SFRP1: variants seen among roughly 807,000 people sequenced by gnomAD.
The protein encoded by SFRP1 is secreted frizzled related protein 1, also known as secreted frizzled-related protein 1.
A neutral mutation model predicts 25.9 loss-of-function variants in SFRP1; 9 were observed. That is an observed-to-expected ratio of 0.35 (90% CI 0.21 to 0.61). The LOEUF (loss-of-function observed/expected upper bound fraction) is 0.61. Ranked by LOEUF, SFRP1 falls within the 20% of genes least tolerant of loss-of-function variation. SFRP1 has a pLI of 0.78. For missense variants in SFRP1, 346 were observed against 418.2 expected, an observed-to-expected ratio of 0.83 and a Z score of 1.51; for synonymous variants, 178 against 174.0, an observed-to-expected ratio of 1.02 and a Z score of -0.18.
Position 41,279,138 on chromosome 8 carries a change from C to T in SFRP1, c.623-13649G>A, listed in dbSNP as rs572117946. Reference sequence around the variant, plus strand: ...AGCTCATGTAGGACATGGCCCAAAACGCATCCAATCTCTGTTCAATGACTA... The same window carrying T: ...AGCTCATGTAGGACATGGCCCAAAATGCATCCAATCTCTGTTCAATGACTA... On this transcript the variant is annotated intron_variant, in intron 2 of 2. Transcript: ENST00000220772. Among the ~76,000 whole-genome samples, 3 of 152,232 alleles carry T rather than the reference C, an allele frequency of 2.0e-5. No homozygotes were observed. The South Asian group carries it at 6.2e-4, about 32-fold the overall frequency.
chr8:41,285,156 G>A (rs1050890229), intron 2 of SFRP1, among the ~76,000 whole-genome samples: 1 of 152,150 alleles, frequency 6.6e-6, no homozygotes, highest in African/African-American at 2.4e-5. Flanking sequence ...GAATGTTAAA[G>A]CACAATGGGA....
intron 2 of SFRP1, among the ~76,000 whole-genome samples, chr8:41,272,904 A>C (rs1281500267): frequency 1.3e-5 from 2 of 151,516 alleles, no homozygotes; most frequent in Non-Finnish European, 2.9e-5. Flanking sequence ...ATGAAAGACA[A>C]AAAGAACTTT....
chr8:41,277,116 C>T (rs753963029), intron 2 of SFRP1: 64 of 441,602 alleles, frequency 1.4e-4, no homozygotes, highest in Non-Finnish European at 2.7e-4. Context: ...TGGGAAGCCA[C>T]GCATCTTGGG....
At chr8:41,294,294 T>C (rs1004526890) in intron 2 of SFRP1, among the ~76,000 whole-genome samples, 2 of 152,138 alleles carry the variant, frequency 1.3e-5, no homozygotes, top group African/African-American at 4.8e-5. Context: ...CCTTCAGCCA[T>C]AAGCCATTCC....
intron 1 of SFRP1, among the ~76,000 whole-genome samples, chr8:41,308,206 C>T (rs945096724): frequency 1.3e-4 from 20 of 152,240 alleles, no homozygotes; most frequent in African/African-American, 4.3e-4. Context: ...TTTTTCCTCC[C>T]GTCTCAGAGG....
chr8:41,297,885 C>T (rs377170290), intron 2 of SFRP1, among the ~76,000 whole-genome samples: 1 of 151,952 alleles, frequency 6.6e-6, no homozygotes, highest in Non-Finnish European at 1.5e-5. Flanking sequence ...AAGGAGCACC[C>T]GATGCCCCTT....
At chr8:41,308,242 GTCC>G (rs1244986703) in intron 1 of SFRP1, among the ~76,000 whole-genome samples, 4 of 152,234 alleles carry the variant, frequency 2.6e-5, no homozygotes, top group Non-Finnish European at 5.9e-5. Flanking sequence ...GGGACTCGGA[GTCC>G]TCCTAGAGGA....
chr8:41,265,508 G>C lies in SFRP1; in HGVS notation c.623-19C>G. On this transcript the variant is annotated intron_variant, in intron 2 of 2. Transcript: ENST00000220772. Reference sequence around the variant, plus strand: ...CTCAGTGCTAGAGATGGAGAGGACAGAAGAAGAGAAAAGAGGGTAAGAGAA... The same window carrying C: ...CTCAGTGCTAGAGATGGAGAGGACACAAGAAGAGAAAAGAGGGTAAGAGAA... 1 of 1,562,932 alleles carries C rather than the reference G, an allele frequency of 6.4e-7. No individual in the cohort carries two copies. The highest frequency in any genetic ancestry group is 8.6e-7 in the Non-Finnish European group (1 of 1,156,742).
rs563331167 is a variant in SFRP1, at chr8:41,275,261, G to T, written c.623-9772C>A. On this transcript the variant is annotated intron_variant, in intron 2 of 2. Transcript: ENST00000220772. ...TTCCTCCAGTAGGAGAGCGAGAGGG[G>T]ATGAATGGGGGCCTAGCCATCTGGG... 37 of 429,400 alleles carry T rather than the reference G, an allele frequency of 8.6e-5. No homozygotes were observed. The East Asian group carries it at 1.3e-3, about 15-fold the overall frequency. 26.6% of individuals were successfully genotyped at this position (429,400 alleles called of 1,614,324 possible).
At chr8:41,300,931 A>T (rs1803907618) in intron 2 of SFRP1, among the ~76,000 whole-genome samples, 1 of 152,196 alleles carries the variant, frequency 6.6e-6, no homozygotes, top group Non-Finnish European at 1.5e-5. Context: ...TTTTCTGCTC[A>T]TGTTTTTTTC....
chr8:41,278,822 T>G (rs1457493232), intron 2 of SFRP1, among the ~76,000 whole-genome samples: 2 of 152,216 alleles, frequency 1.3e-5, no homozygotes, highest in Non-Finnish European at 2.9e-5. Flanking sequence ...AGGGGGCTGC[T>G]GGCCCCTTTG....
At chr8:41,283,843 G>GGGA (rs1563362349) in intron 2 of SFRP1, among the ~76,000 whole-genome samples, 3 of 152,148 alleles carry the variant, frequency 2.0e-5, no homozygotes, top group Non-Finnish European at 2.9e-5. Context: ...GATTACAGGT[G>GGGA]TGAGCCACCA....
At chr8:41,297,002 T>A (rs1310655308) in intron 2 of SFRP1, among the ~76,000 whole-genome samples, 1 of 152,174 alleles carries the variant, frequency 6.6e-6, no homozygotes, top group Non-Finnish European at 1.5e-5. Context: ...ATTGTTATTG[T>A]GAATTACAGC....
chr8:41,303,621 G>T, intron 1 of SFRP1, 83 bp from the exon 2 acceptor site: 1 of 1,119,554 alleles, frequency 8.9e-7, no homozygotes, highest in Non-Finnish European at 1.4e-6. Context: ...TCGGCCCTGG[G>T]TCCAGGCTGA....
chr8:41,298,237 C>A (rs564445686), intron 2 of SFRP1: 6 of 152,244 alleles, frequency 3.9e-5, no homozygotes, highest in African/African-American at 1.4e-4. Flanking sequence ...AAGGATAACA[C>A]GTGAGTTCGT....
At chr8:41,279,863 T>C (rs1427448321) in intron 2 of SFRP1, among the ~76,000 whole-genome samples, 1 of 152,182 alleles carries the variant, frequency 6.6e-6, no homozygotes, top group Non-Finnish European at 1.5e-5. Flanking sequence ...CTCATCTCTC[T>C]GGACCTGATA....
intron 2 of SFRP1, among the ~76,000 whole-genome samples, chr8:41,293,185 C>A (rs1160920043): frequency 1.3e-5 from 2 of 152,224 alleles, no homozygotes; most frequent in Non-Finnish European, 2.9e-5. Flanking sequence ...TGGCCACAAC[C>A]ACATGAGGGA....
chr8:41,291,581 T>C lies in SFRP1; in HGVS notation c.622+11880A>G, dbSNP rs569982715. On this transcript the variant is annotated intron_variant, in intron 2 of 2. Coordinates refer to ENST00000220772, the MANE Select transcript of SFRP1 (RefSeq NM_003012.5). ...TTCCTTGGAGACCAGCTCCCTTCTG[T>C]ATGCTCCCGTGGCTCCCAGCTCTTC... Among the ~76,000 whole-genome samples, 39 of 152,268 alleles carry C rather than the reference T, an allele frequency of 2.6e-4. No individual in the cohort carries two copies. The East Asian group carries it at 7.4e-3, about 29-fold the overall frequency.
chr8:41,285,204 T>C (rs1434866604), intron 2 of SFRP1, among the ~76,000 whole-genome samples: 1 of 152,092 alleles, frequency 6.6e-6, no homozygotes, highest in African/African-American at 2.4e-5. Flanking sequence ...ATTTTACCGA[T>C]CAGAAAACTG....
Sources: allele counts gnomAD v4.1 joint callset (sites outside exome capture counted in the v4.1 genomes callset), GRCh38; gene constraint gnomAD v4.1.1; transcripts MANE v1.5; gene names NCBI Gene and HGNC (gene_info 2026-07-23, HGNC 2026-07-21).